Variants in SEZ6L observed in about 807,000 individuals in gnomAD.
SEZ6L encodes the protein seizure 6-like protein.
In SEZ6L, 37 loss-of-function variants were observed where a neutral mutation model predicts 106.2. The observed-to-expected ratio is 0.35, with a 90% confidence interval of 0.27 to 0.46. The LOEUF (loss-of-function observed/expected upper bound fraction) is 0.46, where lower values mean the gene tolerates loss of function less well. Ranked by LOEUF, SEZ6L falls within the 20% of genes least tolerant of loss-of-function variation. The pLI is 1.00. For synonymous variants in SEZ6L, 541 were observed against 570.4 expected (o/e 0.95, Z 0.73); for missense variants, 1,172 against 1,332.8 (o/e 0.88, Z 1.88).
At chr22:26,364,425 T>TAA (rs10577471) in intron 12 of SEZ6L, among the ~76,000 whole-genome samples, 137 of 131,246 alleles carry the variant, frequency 1.0e-3, no homozygotes, top group Non-Finnish European at 1.9e-3. Flanking sequence ...GTCTCTACTT[T>TAA]AAAAAAAAAA....
At chr22:26,211,059 G>C (rs1337990231) in intron 1 of SEZ6L, among the ~76,000 whole-genome samples, 1 of 152,100 alleles carries the variant, frequency 6.6e-6, no homozygotes, top group Non-Finnish European at 1.5e-5. Context: ...GCCTTTGTGG[G>C]CATCTGACCC....
intron 9 of SEZ6L, among the ~76,000 whole-genome samples, chr22:26,337,494 A>G (rs1292017473): frequency 6.6e-6 from 1 of 152,190 alleles, no homozygotes; most frequent in East Asian, 1.9e-4. Flanking sequence ...TGATGTTTTC[A>G]TGGTACGTAG....
chr22:26,189,181 C>T (rs1209387957), intron 1 of SEZ6L, among the ~76,000 whole-genome samples: 1 of 152,186 alleles, frequency 6.6e-6, no homozygotes, highest in East Asian at 1.9e-4. Flanking sequence ...ACACCAATGA[C>T]TTAATTTCCT....
intron 10 of SEZ6L, among the ~76,000 whole-genome samples, chr22:26,345,812 T>G (rs1156451524): frequency 6.6e-6 from 1 of 152,176 alleles, no homozygotes; most frequent in Non-Finnish European, 1.5e-5. Flanking sequence ...ATCTGTGCAG[T>G]GGGCACTTTG....
At chr22:26,187,319 A>T (rs1227909904) in intron 1 of SEZ6L, among the ~76,000 whole-genome samples, 1 of 152,076 alleles carries the variant, frequency 6.6e-6, no homozygotes, top group Non-Finnish European at 1.5e-5. Flanking sequence ...AGCATGGGGG[A>T]ACCACCCCCA....
intron 11 of SEZ6L, among the ~76,000 whole-genome samples, chr22:26,348,923 G>A (rs1324675344): frequency 1.7e-5 from 2 of 114,808 alleles, no homozygotes; most frequent in African/African-American, 6.8e-5. Flanking sequence ...GGGGAGGGAG[G>A]GAAGGAAGGA....
At position 26,304,376 on chromosome 22, in the gene SEZ6L, GAAAGAAA is replaced by G. The variant is rs2081557170; in HGVS notation, c.1349-1602_1349-1596del. Among the ~76,000 whole-genome samples, 44 of 65,912 alleles carry G rather than the reference GAAAGAAA, an allele frequency of 6.7e-4. 1 individual carries two copies. The highest frequency in any genetic ancestry group is 2.8e-3 in the African/African-American group (44 of 15,738). 43.2% of individuals were successfully genotyped at this position (65,912 alleles called of 152,430 possible). A position where few individuals can be genotyped will look rare whatever the true frequency, so the allele number is the denominator to read the frequency against. On this transcript the variant is annotated intron_variant, in intron 5 of 16. Transcript: ENST00000248933. ...CAAAAAAAAAAAAAGAAAGAAGAAA[GAAAGAAA>G]GAAAGAAAGAAAGAAAGAAAGAAAG...
chr22:26,213,087 C>T (rs1187294236), intron 1 of SEZ6L, among the ~76,000 whole-genome samples: 1 of 152,148 alleles, frequency 6.6e-6, no homozygotes, highest in Non-Finnish European at 1.5e-5. Context: ...GCTTAGGCTC[C>T]CTACATTCCT....
intron 10 of SEZ6L, among the ~76,000 whole-genome samples, chr22:26,344,125 A>G (rs906952640): frequency 6.6e-6 from 1 of 152,200 alleles, no homozygotes. Flanking sequence ...AAGATCCTAT[A>G]TTGACCTAAA....
At chr22:26,343,335 A>C (rs1383515530) in intron 10 of SEZ6L, among the ~76,000 whole-genome samples, 2 of 143,578 alleles carry the variant, frequency 1.4e-5, no homozygotes, top group East Asian at 4.3e-4. Context: ...AAAAAAAAAA[A>C]AAAAAAACTG....
chr22:26,233,476 C>A (rs983693258), intron 1 of SEZ6L, among the ~76,000 whole-genome samples: 3 of 152,194 alleles, frequency 2.0e-5, no homozygotes, highest in African/African-American at 7.2e-5. Flanking sequence ...TTCATAGAAC[C>A]CCATGCCTCC....
At chr22:26,350,524 G>C (rs2083240320) in intron 11 of SEZ6L, among the ~76,000 whole-genome samples, 1 of 151,374 alleles carries the variant, frequency 6.6e-6, no homozygotes, top group African/African-American at 2.4e-5. Flanking sequence ...GAGCTACCGT[G>C]CCCCACCTCT....
chr22:26,199,464 TTTA>T (rs1940790967), intron 1 of SEZ6L, among the ~76,000 whole-genome samples: 1 of 152,228 alleles, frequency 6.6e-6, no homozygotes, highest in Non-Finnish European at 1.5e-5. Flanking sequence ...TGGGAGCCAC[TTTA>T]TACAAAATGA....
At position 26,169,685 on chromosome 22, in the gene SEZ6L, C is replaced by T; in HGVS notation, c.16C>T (p.Pro6Ser). 2.3e-6 allele frequency: 3 copies of T among 1,315,718 alleles called. No homozygotes were observed. The highest frequency in any genetic ancestry group is 1.9e-6 in the Non-Finnish European group (2 of 1,031,508). The allele number at this position is 1,315,718 out of a possible 1,614,324, so 81.5% of individuals were successfully genotyped here. A position where few individuals can be genotyped will look rare whatever the true frequency, so the allele number is the denominator to read the frequency against. The change falls in exon 1 of 17, where the codon CCG (proline) becomes TCG (serine). Residue 6 changes from proline (P) to serine (S), a missense_variant. Pro to Ser is a moderately conservative substitution (Grantham distance 74, BLOSUM62 -1). Transcript: ENST00000248933. ...TGCAGCCACGATGCCCGCGGCCCGG[C>T]CGCCCGCCGCGGGACTCCGCGGGAT... is the stretch of plus-strand genomic sequence containing the variant. MPAAR[P>S]PAAGLRGISL...
chr22:26,215,678 A>G (rs541978030), intron 1 of SEZ6L, among the ~76,000 whole-genome samples: 1 of 152,320 alleles, frequency 6.6e-6, no homozygotes, highest in South Asian at 2.1e-4. Context: ...GAATGAATGA[A>G]AAGAATTCCC....
At chr22:26,175,304 G>T (rs1443837998) in intron 1 of SEZ6L, among the ~76,000 whole-genome samples, 1 of 152,116 alleles carries the variant, frequency 6.6e-6, no homozygotes, top group Non-Finnish European at 1.5e-5. Context: ...TAGTTACTGA[G>T]CATTTACTAT....
chr22:26,233,810 A>G (rs576973683), intron 1 of SEZ6L, among the ~76,000 whole-genome samples: 6 of 152,224 alleles, frequency 3.9e-5, no homozygotes, highest in African/African-American at 1.2e-4. Context: ...GAAGAGGGTA[A>G]ATGTGGTTCC....
chr22:26,226,638 T>G (rs1444254922), intron 1 of SEZ6L, among the ~76,000 whole-genome samples: 2 of 152,170 alleles, frequency 1.3e-5, no homozygotes, highest in African/African-American at 4.8e-5. Flanking sequence ...TGGCAGAAAC[T>G]GTGGATAAGT....
At chr22:26,225,288 AGATTG>A (rs2078603144) in intron 1 of SEZ6L, among the ~76,000 whole-genome samples, 1 of 152,192 alleles carries the variant, frequency 6.6e-6, no homozygotes, top group Non-Finnish European at 1.5e-5. Context: ...TCAGTCAGAG[AGATTG>A]GCTTGCCTCC....
Sources: allele counts gnomAD v4.1 joint callset (sites outside exome capture counted in the v4.1 genomes callset), GRCh38; gene constraint gnomAD v4.1.1; transcripts MANE v1.5; gene names NCBI Gene and HGNC (gene_info 2026-07-23, HGNC 2026-07-21).